The following THSD4 variants were observed in gnomAD, a reference collection of about 807,000 sequenced individuals.
THSD4 encodes the protein thrombospondin type 1 domain containing 4, also known as thrombospondin type-1 domain-containing protein 4.
Under a neutral mutation model 119.0 loss-of-function variants are expected in THSD4, and 69 were observed. The observed-to-expected ratio is 0.58, with a 90% CI of 0.48 to 0.71. THSD4 has a LOEUF of 0.71. Ranked by LOEUF, THSD4 falls within the 30% of genes least tolerant of loss-of-function variation. The pLI, the probability that THSD4 is intolerant of heterozygous loss-of-function variation, is 0.00. For synonymous variants in THSD4, 524 were observed against 540.4 expected (o/e 0.97, Z 0.42); for missense variants, 1,393 against 1,391.1 (o/e 1.00, Z -0.02).
intron 6 of THSD4, among the ~76,000 whole-genome samples, chr15:71,372,333 C>T (rs924273539): frequency 6.6e-6 from 1 of 152,226 alleles, no homozygotes; most frequent in Non-Finnish European, 1.5e-5. Context: ...GAGCTGCTTT[C>T]CTTTGGAGGG....
At chr15:71,373,967 C>A (rs1254947612) in intron 6 of THSD4, among the ~76,000 whole-genome samples, 34 of 152,180 alleles carry the variant, frequency 2.2e-4, no homozygotes, top group Admixed American at 2.2e-3. Context: ...ACTAGGACAA[C>A]CCTTCCCTCA....
intron 7 of THSD4, among the ~76,000 whole-genome samples, chr15:71,423,075 C>A (rs1053086222): frequency 2.0e-5 from 3 of 152,160 alleles, no homozygotes; most frequent in African/African-American, 7.2e-5. Context: ...TGGGACCCAC[C>A]CTTTAGAGCA....
chr15:71,567,605 C>CCCT (rs1567040870), intron 7 of THSD4, among the ~76,000 whole-genome samples: 1 of 100,774 alleles, frequency 9.9e-6, no homozygotes, highest in Non-Finnish European at 2.5e-5. Flanking sequence ...CACCCCCCCA[C>CCCT]ACACACACAC....
At chr15:71,364,979 A>G (rs972318445) in intron 6 of THSD4, among the ~76,000 whole-genome samples, 6 of 152,286 alleles carry the variant, frequency 3.9e-5, no homozygotes, top group East Asian at 3.9e-4. Context: ...CCACCTAAAC[A>G]ATAAAATATC....
intron 7 of THSD4, among the ~76,000 whole-genome samples, chr15:71,592,335 G>A (rs946820501): frequency 6.6e-6 from 1 of 152,180 alleles, no homozygotes; most frequent in Non-Finnish European, 1.5e-5. Flanking sequence ...AGGACGCAGT[G>A]GCAGGGAGAA....
intron 7 of THSD4, among the ~76,000 whole-genome samples, chr15:71,463,633 A>G (rs914501815): frequency 1.3e-5 from 2 of 152,198 alleles, no homozygotes; most frequent in South Asian, 4.1e-4. Flanking sequence ...TCCTAACCAC[A>G]TAACTCCTGG....
intron 7 of THSD4, among the ~76,000 whole-genome samples, chr15:71,608,239 TATATATATATAC>T (rs1205254781): frequency 6.0e-5 from 4 of 66,980 alleles, no homozygotes; most frequent in Non-Finnish European, 1.3e-4. Context: ...AAAAAAAAAA[TATATATATATAC>T]ACACACACAC....
At chr15:71,199,768 T>TGATGCAC (rs2043771769) in intron 3 of THSD4, among the ~76,000 whole-genome samples, 1 of 145,922 alleles carries the variant, frequency 6.9e-6, no homozygotes, top group Non-Finnish European at 1.5e-5. Context: ...ATGTGTGTGG[T>TGATGCAC]GTGTGTGGTG....
intron 8 of THSD4, 40 bp downstream of exon 8, chr15:71,660,774 G>A: frequency 1.9e-6 from 3 of 1,608,024 alleles, no homozygotes; most frequent in Non-Finnish European, 2.6e-6. Context: ...GTCTGTCCCT[G>A]CCAGATGATG....
At chr15:71,372,517 G>T (rs1371812751) in intron 6 of THSD4, among the ~76,000 whole-genome samples, 1 of 152,370 alleles carries the variant, frequency 6.6e-6, no homozygotes, top group East Asian at 1.9e-4. Flanking sequence ...CTCAGCTGCA[G>T]GTCTGTTGGA....
intron 7 of THSD4, among the ~76,000 whole-genome samples, chr15:71,606,143 T>A (rs2050105396): frequency 6.6e-6 from 1 of 152,264 alleles, no homozygotes; most frequent in Non-Finnish European, 1.5e-5. Flanking sequence ...AGCTTGACTC[T>A]GGGTAGTTGA....
intron 3 of THSD4, among the ~76,000 whole-genome samples, chr15:71,206,094 T>C (rs2140242649): frequency 6.6e-6 from 1 of 152,186 alleles, no homozygotes; most frequent in Admixed American, 6.5e-5. Flanking sequence ...AAGTCGAAAG[T>C]CTCCTTCTTC....
At chr15:71,338,352 A>G (rs1426744875) in intron 6 of THSD4, among the ~76,000 whole-genome samples, 1 of 150,494 alleles carries the variant, frequency 6.6e-6, no homozygotes, top group Non-Finnish European at 1.5e-5. Flanking sequence ...TGCTTCATGT[A>G]GCATGATAAA....
intron 6 of THSD4, among the ~76,000 whole-genome samples, chr15:71,324,782 TG>T (rs2045318712): frequency 6.6e-6 from 1 of 152,246 alleles, no homozygotes; most frequent in Non-Finnish European, 1.5e-5. Flanking sequence ...CATGTGCAGG[TG>T]TCTTTTTGAT....
chr15:71,209,629 CT>C (rs1004166873), intron 3 of THSD4, among the ~76,000 whole-genome samples: 6 of 152,130 alleles, frequency 3.9e-5, no homozygotes, highest in Admixed American at 1.3e-4. Context: ...AATGGAAGAT[CT>C]CTTTTGTTTG....
chr15:71,364,860 T>C (rs1263567155), intron 6 of THSD4, among the ~76,000 whole-genome samples: 1 of 152,066 alleles, frequency 6.6e-6, no homozygotes, highest in African/African-American at 2.4e-5. Flanking sequence ...ATTCTGGGGG[T>C]GGGTTACAAA....
At chr15:71,450,654 G>A (rs1474517951) in intron 7 of THSD4, among the ~76,000 whole-genome samples, 6 of 152,188 alleles carry the variant, frequency 3.9e-5, no homozygotes, top group Non-Finnish European at 7.3e-5. Flanking sequence ...AGCTCAAATT[G>A]TTCACAAGCC....
At chr15:71,520,738 T>C (rs1041185050) in intron 7 of THSD4, among the ~76,000 whole-genome samples, 3 of 150,372 alleles carry the variant, frequency 2.0e-5, no homozygotes, top group African/African-American at 7.6e-5. Flanking sequence ...CTCCCCTTTT[T>C]CTGATGGACT....
chr15:71,580,461 T>A (rs2049536845), intron 7 of THSD4, among the ~76,000 whole-genome samples: 1 of 152,208 alleles, frequency 6.6e-6, no homozygotes, highest in Non-Finnish European at 1.5e-5. Context: ...AACATATCCA[T>A]CACCTCACAT....
Sources: gnomAD v4.1 joint callset for allele counts (sites outside exome capture counted in the v4.1 genomes callset) on GRCh38, gnomAD v4.1.1 for gene constraint, MANE v1.5 for transcripts, NCBI Gene and HGNC (gene_info 2026-07-23, HGNC 2026-07-21) for gene names.